The following NEO1 variants were observed in gnomAD, a reference collection of about 807,000 sequenced individuals.
NEO1 encodes the protein neogenin 1, also known as neogenin.
NEO1 carries 63 observed loss-of-function variants against 159.7 expected under a neutral mutation model. The observed-to-expected ratio is 0.39, with a 90% CI of 0.32 to 0.49. The LOEUF (loss-of-function observed/expected upper bound fraction) is 0.49. Among genes scored for constraint, NEO1 ranks in the 20% least tolerant of loss-of-function variants. The pLI is 0.85. For missense variants in NEO1, 1,615 were observed against 1,831.0 expected, an observed-to-expected ratio of 0.88 and a Z score of 2.15; for synonymous variants, 633 against 662.0, an observed-to-expected ratio of 0.96 and a Z score of 0.67.
chr15:73,281,373 G>A (rs1388774228), intron 22 of NEO1, among the ~76,000 whole-genome samples: 1 of 151,122 alleles, frequency 6.6e-6, no homozygotes, highest in Admixed American at 6.6e-5. Flanking sequence ...TGCTGCCTCA[G>A]CCTCCTGAGT....
chr15:73,243,542 T>C (rs1188497532), intron 8 of NEO1, among the ~76,000 whole-genome samples: 1 of 152,244 alleles, frequency 6.6e-6, no homozygotes, highest in African/African-American at 2.4e-5. Context: ...TTATGCAGTC[T>C]GGTTTTCATT....
At chr15:73,292,699 G>C (rs1246773018) in intron 25 of NEO1, among the ~76,000 whole-genome samples, 1 of 152,186 alleles carries the variant, frequency 6.6e-6, no homozygotes, top group Non-Finnish European at 1.5e-5. Flanking sequence ...TCTCTTACAT[G>C]CAGATGGGTA....
intron 7 of NEO1, among the ~76,000 whole-genome samples, chr15:73,185,869 A>C (rs1030354275): frequency 7.9e-5 from 12 of 152,172 alleles, no homozygotes; most frequent in African/African-American, 2.9e-4. Context: ...GGAGTCTCAC[A>C]GGGAAAACAG....
chr15:73,163,962 G>A (rs906325174), intron 5 of NEO1, among the ~76,000 whole-genome samples: 1 of 151,804 alleles, frequency 6.6e-6, no homozygotes, highest in African/African-American at 2.4e-5. Flanking sequence ...TGTGGTAGGG[G>A]CCGGTGGTGG....
At chr15:73,134,774 C>T (rs1289287168) in intron 4 of NEO1, among the ~76,000 whole-genome samples, 3 of 151,792 alleles carry the variant, frequency 2.0e-5, no homozygotes, top group Non-Finnish European at 4.4e-5. Context: ...TTTGGGAGGC[C>T]GGGGCGGGTG....
intron 1 of NEO1, among the ~76,000 whole-genome samples, chr15:73,098,353 T>G (rs2070202242): frequency 6.6e-6 from 1 of 152,172 alleles, no homozygotes. Flanking sequence ...ATGTAAAATG[T>G]TTACATAGCC....
chr15:73,162,226 TC>T, intron 5 of NEO1: 1 of 214,012 alleles, frequency 4.7e-6, no homozygotes, highest in Non-Finnish European at 9.8e-6. Flanking sequence ...TTCACCTTCC[TC>T]CCCAGCTCCT....
intron 18 of NEO1, 52 bp from the exon 19 acceptor site, chr15:73,272,403 G>C: frequency 7.3e-7 from 1 of 1,376,038 alleles, no homozygotes; most frequent in South Asian, 1.2e-5. Context: ...TGAAGAAATA[G>C]TGAACTAATT....
At chr15:73,159,405 T>G (rs2034009398) in intron 5 of NEO1, among the ~76,000 whole-genome samples, 2 of 152,164 alleles carry the variant, frequency 1.3e-5, no homozygotes, top group South Asian at 4.2e-4. Context: ...CATTTGAATA[T>G]GACTCCACAC....
At chr15:73,280,699 G>A (rs1429970485) in intron 22 of NEO1, among the ~76,000 whole-genome samples, 1 of 152,172 alleles carries the variant, frequency 6.6e-6, no homozygotes, top group African/African-American at 2.4e-5. Flanking sequence ...AGTATGTACA[G>A]TTTAAGTTGT....
Position 73,182,349 on chromosome 15 carries a change from G to A in NEO1, c.1291+3922G>A, listed in dbSNP as rs1231216392. 2.6e-5 allele frequency among the ~76,000 whole-genome samples: 4 copies of A among 152,096 alleles called. No homozygotes were observed. The East Asian group carries it at 7.7e-4, about 29-fold the overall frequency. On this transcript the variant is annotated intron_variant, in intron 7 of 28. Transcript: ENST00000261908. ...AAAAAGAGGGCAGATCAAAGTGGAA[G>A]GAGATTTCCACTTCTGTTTAGGATA...
chr15:73,149,263 C>T (rs545763114), intron 5 of NEO1, among the ~76,000 whole-genome samples: 1 of 150,982 alleles, frequency 6.6e-6, no homozygotes, highest in Non-Finnish European at 1.5e-5. Context: ...TGCAGTGAGC[C>T]GAGATTGCGC....
rs552246012 is a variant in NEO1, at chr15:73,260,306, G to A, written c.2239G>A (p.Val747Ile). 127 of 1,613,642 alleles carry A rather than the reference G, an allele frequency of 7.9e-5. No homozygotes were observed. Among genetic ancestry groups the A allele is most frequent in the Non-Finnish European group, 9.7e-5 (114 of 1,179,912 alleles). ...RVPEVPSSLH[V>I]RPLVTSIVVS... ...TCCTGAAGTGCCTAGCTCTCTTCAC[G>A]TACGCCCGCTCGTTACTAGCATCGT... Residue 747 changes from valine (V) to isoleucine (I), a missense_variant, in exon 15 of 29, where the codon GTA becomes ATA. Val to Ile is a conservative substitution (Grantham distance 29). This residue lies in a region of NEO1 where 1,018 missense variants were observed against 1,115.4 expected (regional missense o/e 0.91). Coordinates refer to ENST00000261908, the MANE Select transcript of NEO1 (RefSeq NM_002499.4).
chr15:73,266,682 T>C (rs1028862969), intron 16 of NEO1, among the ~76,000 whole-genome samples: 15 of 152,172 alleles, frequency 9.9e-5, no homozygotes, highest in Admixed American at 9.2e-4. Flanking sequence ...AGCAGAGTTT[T>C]TAGATAATTA....
chr15:73,205,264 A>G (rs767268255), intron 7 of NEO1, among the ~76,000 whole-genome samples: 2 of 152,030 alleles, frequency 1.3e-5, no homozygotes, highest in African/African-American at 4.8e-5. Flanking sequence ...AGTGTTCCCA[A>G]TCTATTTCCT....
chr15:73,282,318 G>A lies in NEO1; in HGVS notation c.3263-646G>A, dbSNP rs546622612. ...CGTTTATCCCATTCCCCCGCCAAAC[G>A]TTCACATCTTTGTTGTTCACCATTG... On this transcript the variant is annotated intron_variant, in intron 22 of 28. Coordinates refer to ENST00000261908, the MANE Select transcript of NEO1 (RefSeq NM_002499.4). Among the ~76,000 whole-genome samples the A allele has an allele frequency of 1.4e-4, 22 of 151,990 alleles. 1 individual carries two copies. The highest frequency in any genetic ancestry group is 1.4e-3 in the Admixed American group (21 of 15,266).
At chr15:73,222,628 T>G (rs984725845) in intron 7 of NEO1, among the ~76,000 whole-genome samples, 1 of 152,204 alleles carries the variant, frequency 6.6e-6, no homozygotes, top group Non-Finnish European at 1.5e-5. Flanking sequence ...TAATGAGATT[T>G]TTTGGATTTT....
chr15:73,139,278 T>C (rs2032144052), intron 5 of NEO1, among the ~76,000 whole-genome samples: 1 of 152,130 alleles, frequency 6.6e-6, no homozygotes, highest in Non-Finnish European at 1.5e-5. Context: ...CAACGTTTTT[T>C]TGGATATGAC....
chr15:73,293,754 G>A lies in NEO1; in HGVS notation c.3901+206G>A, dbSNP rs1596632325. Among the ~76,000 whole-genome samples, 7 of 152,260 alleles carry A rather than the reference G, an allele frequency of 4.6e-5. 1 individual carries two copies. In the South Asian group the frequency reaches 1.5e-3, roughly 32 times the overall value. On this transcript the variant is annotated intron_variant, in intron 26 of 28. Transcript: ENST00000261908. The stretch of plus-strand genomic sequence containing the variant: ...TTAAGTTTTAAACATTCAGTGCAAG[G>A]TTTTCTTTTAGTAAAAACAGTATCT...
Sources: gnomAD v4.1 joint callset for allele counts (sites outside exome capture counted in the v4.1 genomes callset) on GRCh38, gnomAD v4.1.1 for gene constraint, gnomAD v4.1.1 regional missense constraint, MANE v1.5 for transcripts, NCBI Gene and HGNC (gene_info 2026-07-23, HGNC 2026-07-21) for gene names.